The following ZNG1A variants were observed in gnomAD, a reference collection of about 807,000 sequenced individuals.
ZNG1A encodes the protein zinc-regulated GTPase metalloprotein activator 1A.
the ZNG1A span, among the ~76,000 whole-genome samples, chr9:130,155 T>C: frequency 4.6e-5 from 7 of 150,934 alleles, no homozygotes; most frequent in African/African-American, 1.7e-4. Flanking sequence ...TTAATAAACA[T>C]ACTCTATTTT....
the ZNG1A span, among the ~76,000 whole-genome samples, chr9:154,963 T>G: frequency 3.3e-5 from 5 of 152,230 alleles, no homozygotes; most frequent in Non-Finnish European, 5.9e-5. Context: ...TGACTCAGTT[T>G]ACTCCTAATC....
the ZNG1A span, chr9:177,866 G>C: frequency 7.0e-7 from 1 of 1,422,854 alleles, no homozygotes; most frequent in Non-Finnish European, 9.5e-7. Context: ...AATTACTTCC[G>C]AGCAAAAAAC....
At chr9:128,944 T>A in the ZNG1A span, among the ~76,000 whole-genome samples, 2 of 151,828 alleles carry the variant, frequency 1.3e-5, no homozygotes, top group Admixed American at 1.3e-4. Flanking sequence ...GATTGCTATC[T>A]CTCTTCTGGA....
the ZNG1A span, among the ~76,000 whole-genome samples, chr9:133,355 G>A: frequency 1.5e-5 from 2 of 134,590 alleles, no homozygotes; most frequent in Non-Finnish European, 3.1e-5. Context: ...AAGTGACATA[G>A]TGTCTGGAAT....
the ZNG1A span, among the ~76,000 whole-genome samples, chr9:176,642 C>G: frequency 2.0e-5 from 3 of 151,744 alleles, no homozygotes; most frequent in Non-Finnish European, 2.9e-5. Context: ...TTAGGAAGCT[C>G]AACATCACAA....
the ZNG1A span, among the ~76,000 whole-genome samples, chr9:159,545 C>T: frequency 6.6e-6 from 1 of 151,638 alleles, no homozygotes; most frequent in Non-Finnish European, 1.5e-5. Flanking sequence ...ATAATTTTTA[C>T]TTGTCAATTA....
At chr9:160,235 C>T in the ZNG1A span, 6 of 453,436 alleles carry the variant, frequency 1.3e-5, no homozygotes, top group Admixed American at 2.4e-5. Flanking sequence ...TTCAGTTTGG[C>T]TGGCTGGCCA....
At chr9:176,116 A>G in the ZNG1A span, among the ~76,000 whole-genome samples, 1 of 145,162 alleles carries the variant, frequency 6.9e-6, no homozygotes, top group East Asian at 2.0e-4. Context: ...CTTCAGGCTG[A>G]CTATATGGCT....
the ZNG1A span, among the ~76,000 whole-genome samples, chr9:168,237 C>A: frequency 7.3e-6 from 1 of 137,712 alleles, no homozygotes; most frequent in Non-Finnish European, 1.5e-5. Flanking sequence ...CACTAAGCAA[C>A]AGACTTATTT....
At chr9:164,800 AG>A in the ZNG1A span, among the ~76,000 whole-genome samples, 1 of 151,894 alleles carries the variant, frequency 6.6e-6, no homozygotes, top group East Asian at 1.9e-4. Flanking sequence ...TGAGTGTAGG[AG>A]AAAAACAAGG....
chr9:148,845 G>A, the ZNG1A span: 1 of 148,356 alleles, frequency 6.7e-6, no homozygotes, highest in East Asian at 1.9e-4. Flanking sequence ...AGGTGGGGGT[G>A]GAATTGCAGC....
chr9:133,725 G>A, the ZNG1A span, among the ~76,000 whole-genome samples: 1 of 141,292 alleles, frequency 7.1e-6, no homozygotes, highest in Non-Finnish European at 1.5e-5. Flanking sequence ...CTCCACATGC[G>A]ATTCTGATTT....
the ZNG1A span, among the ~76,000 whole-genome samples, chr9:145,505 AC>A: frequency 8.1e-4 from 111 of 137,674 alleles, no homozygotes; most frequent in African/African-American, 3.0e-3. Flanking sequence ...CAATGAGAAC[AC>A]ATGGACACAG....
the ZNG1A span, chr9:154,604 C>G: frequency 3.7e-6 from 3 of 817,446 alleles, no homozygotes; most frequent in Non-Finnish European, 5.9e-6. Context: ...CTTGAAGCAG[C>G]TCAACCTTAT....
the ZNG1A span, among the ~76,000 whole-genome samples, chr9:159,827 T>C: frequency 6.6e-6 from 1 of 152,088 alleles, no homozygotes; most frequent in African/African-American, 2.4e-5. Flanking sequence ...AGGAACTATT[T>C]CTTTTAAATG....
chr9:126,827 C>T, the ZNG1A span, among the ~76,000 whole-genome samples: 596 of 152,054 alleles, frequency 3.9e-3, 4 homozygotes, highest in African/African-American at 0.014. Flanking sequence ...CGCTCAGGGC[C>T]GTGAACCTTC....
At chr9:169,590 AG>A in the ZNG1A span, among the ~76,000 whole-genome samples, 667 of 144,764 alleles carry the variant, frequency 4.6e-3, 1 homozygote, top group African/African-American at 0.017. Flanking sequence ...CTTTTATGAA[AG>A]GGAGAGTCAA....
At chr9:141,465 A>G in the ZNG1A span, among the ~76,000 whole-genome samples, 17 of 150,144 alleles carry the variant, frequency 1.1e-4, no homozygotes, top group African/African-American at 4.2e-4. Context: ...AAGGAGAAAT[A>G]AAATACTTTA....
the ZNG1A span, chr9:148,569 T>A: frequency 9.3e-6 from 1 of 107,976 alleles, no homozygotes; most frequent in African/African-American, 3.7e-5. Context: ...TCCAAAGCAT[T>A]AAAATCGCCA....
Sources: allele counts gnomAD v4.1 joint callset (sites outside exome capture counted in the v4.1 genomes callset), GRCh38; gene constraint gnomAD v4.1.1; transcripts MANE v1.5; gene names NCBI Gene and HGNC (gene_info 2026-07-23, HGNC 2026-07-21).